Variants in SLIT2 observed in about 807,000 individuals in gnomAD.
The protein encoded by SLIT2 is slit guidance ligand 2, also known as slit homolog 2 protein.
A neutral mutation model predicts 185.7 loss-of-function variants in SLIT2; 41 were observed. The observed-to-expected ratio is 0.22, with a 90% CI of 0.17 to 0.29. SLIT2 has a LOEUF of 0.29. Ranked by LOEUF, SLIT2 falls within the 10% of genes least tolerant of loss-of-function variation. The pLI, the probability that SLIT2 is intolerant of heterozygous loss-of-function variation, is 1.00. For missense variants in SLIT2, 1,571 were observed against 1,909.0 expected (o/e 0.82, Z 3.30); for synonymous variants, 693 against 680.2 (o/e 1.02, Z -0.29).
At chr4:20,273,715 C>T (rs1713873448) in intron 4 of SLIT2, among the ~76,000 whole-genome samples, 1 of 152,108 alleles carries the variant, frequency 6.6e-6, no homozygotes, top group South Asian at 2.1e-4. Context: ...AAAACGAACT[C>T]CCTAGTTCTT....
intron 11 of SLIT2, 150 bp from the exon 12 acceptor site, chr4:20,519,232 A>C: frequency 1.6e-6 from 1 of 616,708 alleles, no homozygotes; most frequent in Non-Finnish European, 2.9e-6. Flanking sequence ...GGCAAAAGAC[A>C]TTTGCAAATG....
chr4:20,488,953 A>C lies in SLIT2; in HGVS notation c.746A>C (p.Glu249Ala). Residue 249 changes from glutamate to alanine, a missense_variant, in exon 8 of 37, where the codon GAG becomes GCG. Physicochemically the swap from Glu to Ala is moderately radical, Grantham distance 107. Transcript: ENST00000504154. ...PSHLRGHNVA[E>A]VQKREFVCSG... ...CACCTGAGAGGCCATAATGTAGCCG[A>C]GGTTCAAAAACGAGAATTTGTCTGC... The C allele has an allele frequency of 6.2e-7, 1 of 1,611,462 alleles. No homozygotes were observed. The highest frequency in any genetic ancestry group is 8.5e-7 in the Non-Finnish European group (1 of 1,177,940).
chr4:20,506,508 G>T (rs1719219237), intron 9 of SLIT2, among the ~76,000 whole-genome samples: 2 of 151,816 alleles, frequency 1.3e-5, no homozygotes, highest in Non-Finnish European at 2.9e-5. Context: ...AATTTTATTT[G>T]CCCTTTCTTT....
intron 33 of SLIT2, among the ~76,000 whole-genome samples, chr4:20,606,497 A>G (rs1189792393): frequency 4.6e-5 from 7 of 151,098 alleles, no homozygotes; most frequent in African/African-American, 1.7e-4. Flanking sequence ...AAAAAAAGGA[A>G]TCTAAAATCA....
intron 5 of SLIT2, among the ~76,000 whole-genome samples, chr4:20,468,439 C>T (rs1458007079): frequency 2.0e-5 from 3 of 152,030 alleles, no homozygotes; most frequent in Non-Finnish European, 4.4e-5. Context: ...CTCATATCCT[C>T]ATGAAAGAAT....
At position 20,254,785 on chromosome 4, in the gene SLIT2, C is replaced by T. The variant is rs1711592706; in HGVS notation, c.179+791C>T. The stretch of plus-strand genomic sequence containing the variant: ...CGACCCGGCGGTGCCCGGCTGCCCC[C>T]TCCGGCCCTTCCTGCTGAACCCCTG... On this transcript the variant is annotated intron_variant, in intron 1 of 36. Coordinates refer to ENST00000504154, the MANE Select transcript of SLIT2 (RefSeq NM_004787.4). The surrounding 1 kb of genome is among the most constrained non-coding windows in gnomAD (Gnocchi z 5.1). 2.5e-6 allele frequency: 1 copy of T among 398,036 alleles called. No homozygotes were observed. Among genetic ancestry groups the T allele is most frequent in the Non-Finnish European group, 5.0e-6 (1 of 198,780 alleles). The allele number at this position is 398,036 out of a possible 1,614,324, so 24.7% of individuals were successfully genotyped here.
chr4:20,451,742 G>A (rs1464746744), intron 4 of SLIT2, among the ~76,000 whole-genome samples: 1 of 152,138 alleles, frequency 6.6e-6, no homozygotes, highest in Non-Finnish European at 1.5e-5. Flanking sequence ...CAGTAGTTGG[G>A]CAGAATTGAT....
At chr4:20,319,913 T>A (rs909241047) in intron 4 of SLIT2, among the ~76,000 whole-genome samples, 2 of 152,118 alleles carry the variant, frequency 1.3e-5, no homozygotes, top group East Asian at 3.9e-4. Flanking sequence ...ATAAAGATGT[T>A]TCTTGTCTCT....
chr4:20,270,853 A>G (rs1183360552), intron 4 of SLIT2, among the ~76,000 whole-genome samples: 2 of 152,014 alleles, frequency 1.3e-5, no homozygotes, highest in Non-Finnish European at 2.9e-5. Context: ...CACGTCAGGA[A>G]TCTTAATTTG....
chr4:20,283,120 G>GCGCGCA (rs143964894), intron 4 of SLIT2, among the ~76,000 whole-genome samples: 269 of 149,942 alleles, frequency 1.8e-3, no homozygotes, highest in East Asian at 5.9e-3. Flanking sequence ...GTGCGCGCGC[G>GCGCGCA]CACACACACA....
chr4:20,518,109 A>G (rs1720383446), intron 11 of SLIT2, among the ~76,000 whole-genome samples: 1 of 144,806 alleles, frequency 6.9e-6, no homozygotes, highest in African/African-American at 2.6e-5. Flanking sequence ...ACACATATAT[A>G]TACATATACA....
intron 3 of SLIT2, among the ~76,000 whole-genome samples, chr4:20,264,070 G>C (rs1481927739): frequency 1.3e-5 from 2 of 151,764 alleles, no homozygotes; most frequent in African/African-American, 4.8e-5. Context: ...GGGAAGTAAG[G>C]GGATAAAAGA....
intron 4 of SLIT2, among the ~76,000 whole-genome samples, chr4:20,425,819 G>A (rs966485941): frequency 1.3e-5 from 2 of 152,142 alleles, no homozygotes; most frequent in African/African-American, 2.4e-5. Context: ...AGTAAATGGA[G>A]AAAACTCAAG....
At chr4:20,314,744 A>T (rs1391864656) in intron 4 of SLIT2, among the ~76,000 whole-genome samples, 2 of 152,138 alleles carry the variant, frequency 1.3e-5, no homozygotes, top group Admixed American at 6.5e-5. Flanking sequence ...TATAAGGGAA[A>T]TTGAAAAAAT....
chr4:20,269,851 C>T (rs910870861), intron 4 of SLIT2, among the ~76,000 whole-genome samples: 4 of 151,770 alleles, frequency 2.6e-5, no homozygotes, highest in African/African-American at 9.7e-5. Flanking sequence ...TGTCCTCTCA[C>T]ACCCTTCACC....
At chr4:20,339,726 G>T (rs922986024) in intron 4 of SLIT2, among the ~76,000 whole-genome samples, 8 of 152,040 alleles carry the variant, frequency 5.3e-5, no homozygotes, top group African/African-American at 1.9e-4. Context: ...GCCATGTTGT[G>T]ATCATGAAAT....
chr4:20,596,165 G>A (rs1245642853), intron 31 of SLIT2, among the ~76,000 whole-genome samples: 4 of 152,160 alleles, frequency 2.6e-5, no homozygotes, highest in Non-Finnish European at 5.9e-5. Flanking sequence ...CCAAAGAGGA[G>A]GACAGAGGGA....
At chr4:20,552,450 G>C (rs371979554) in intron 25 of SLIT2, 2 of 149,904 alleles carry the variant, frequency 1.3e-5, no homozygotes, top group Non-Finnish European at 3.0e-5. Flanking sequence ...TGTGCACAAC[G>C]TGCAGGTTTG....
At chr4:20,443,651 A>C (rs1401366462) in intron 4 of SLIT2, among the ~76,000 whole-genome samples, 4 of 148,870 alleles carry the variant, frequency 2.7e-5, no homozygotes, top group Admixed American at 2.7e-4. Context: ...TATAACAATG[A>C]TTACCTTGTA....
Sources: allele counts gnomAD v4.1 joint callset (sites outside exome capture counted in the v4.1 genomes callset), GRCh38; gene constraint gnomAD v4.1.1; non-coding constraint Gnocchi (gnomAD v3.1); transcripts MANE v1.5; gene names NCBI Gene and HGNC (gene_info 2026-07-23, HGNC 2026-07-21).